The following TRIM24 variants were observed in gnomAD, a reference collection of about 807,000 sequenced individuals.
TRIM24 encodes tripartite motif containing 24, also known as transcription intermediary factor 1-alpha.
In TRIM24, 29 loss-of-function variants were observed where a neutral mutation model predicts 123.9. The ratio of observed to expected loss-of-function variants is 0.23; its 90% CI spans 0.17 to 0.32. TRIM24 has a LOEUF of 0.32. Ranked by LOEUF, TRIM24 falls within the 10% of genes least tolerant of loss-of-function variation. The pLI is 1.00. For missense variants in TRIM24, 932 were observed against 1,295.3 expected, an observed-to-expected ratio of 0.72 and a Z score of 4.31; for synonymous variants, 456 against 461.1, an observed-to-expected ratio of 0.99 and a Z score of 0.14.
Position 138,565,713 on chromosome 7 carries a change from A to G in TRIM24, c.1531-1768A>G, listed in dbSNP as rs1402217660. Among the ~76,000 whole-genome samples the G allele has an allele frequency of 2.0e-5, 3 of 152,234 alleles. No homozygotes were observed. The East Asian group carries it at 5.8e-4, about 29-fold the overall frequency. ...CATCCAAAGGCTAGGCCCTGAACAAAGACAGGGCTTGACTTTTATACACAC... is the reference window on the plus strand; with the variant it reads ...CATCCAAAGGCTAGGCCCTGAACAAGGACAGGGCTTGACTTTTATACACAC... On this transcript the variant is annotated intron_variant, in intron 9 of 18. Coordinates refer to ENST00000343526, the MANE Select transcript of TRIM24 (RefSeq NM_015905.3).
At position 138,588,188 on chromosome 7, in the gene TRIM24, G is replaced by A. The variant is rs1245835991; in HGVS notation, c.*3237G>A. On this transcript the variant is annotated 3_prime_UTR_variant, in exon 19 of 19. Transcript: ENST00000343526. ...ATGAAACTGCATTTCAATATGCTAT[G>A]CTGTTACTGTGCTTAGACACTTCCT... 1 of 152,206 alleles carries A rather than the reference G, an allele frequency of 6.6e-6. No homozygotes were observed. The highest frequency in any genetic ancestry group is 2.4e-5 in the African/African-American group (1 of 41,452). 9.4% of individuals were successfully genotyped at this position (152,206 alleles called of 1,614,324 possible).
chr7:138,549,701 G>C (rs1797171764), intron 7 of TRIM24, among the ~76,000 whole-genome samples: 1 of 152,174 alleles, frequency 6.6e-6, no homozygotes. Context: ...TGGGGTAGTT[G>C]ATGATGGGAG....
chr7:138,460,398 C>G lies in TRIM24; in HGVS notation c.-151C>G, dbSNP rs1794930366. ...GATCCCGTGGGCCTGAGGAGGCTTC[C>G]CCCGCCCGGTTTGCTTTCCCTCCCT... On this transcript the variant is annotated 5_prime_UTR_variant, in exon 1 of 19. Transcript: ENST00000343526. 2.4e-6 allele frequency: 2 copies of G among 834,730 alleles called. No homozygotes were observed. Among genetic ancestry groups the G allele is most frequent in the Non-Finnish European group, 3.2e-6 (2 of 623,850 alleles). 51.7% of individuals were successfully genotyped at this position (834,730 alleles called of 1,614,324 possible).
chr7:138,576,596 A>G (rs1397239922), intron 13 of TRIM24, 151 bp downstream of exon 13: 3 of 573,814 alleles, frequency 5.2e-6, no homozygotes, highest in Non-Finnish European at 8.7e-6. Flanking sequence ...ATTTTAATGA[A>G]TTAGTTAAGG....
intron 6 of TRIM24, among the ~76,000 whole-genome samples, chr7:138,532,303 T>G (rs1796765149): frequency 6.6e-6 from 1 of 152,166 alleles, no homozygotes; most frequent in Admixed American, 6.5e-5. Flanking sequence ...GCCTATTTCC[T>G]GAATGGTATT....
At position 138,564,678 on chromosome 7, in the gene TRIM24, C is replaced by T. The variant is rs115432941; in HGVS notation, c.1531-2803C>T. 6.9e-3 allele frequency among the ~76,000 whole-genome samples: 1,053 copies of T among 152,258 alleles called. 17 individuals carry two copies. Among genetic ancestry groups the T allele is most frequent in the African/African-American group, 0.023 (974 of 41,550 alleles). ...TGGTCTGGGTGCCCTGGCTGTCCTTCGACCCCAATCACCACCTTAAATACA... is the reference window on the plus strand; with the variant it reads ...TGGTCTGGGTGCCCTGGCTGTCCTTTGACCCCAATCACCACCTTAAATACA... On this transcript the variant is annotated intron_variant, in intron 9 of 18. Transcript: ENST00000343526.
At chr7:138,465,061 G>GT (rs1253523195) in intron 1 of TRIM24, among the ~76,000 whole-genome samples, 5 of 152,132 alleles carry the variant, frequency 3.3e-5, no homozygotes, top group Non-Finnish European at 5.9e-5. Context: ...TAAACATAAT[G>GT]TTTGAACTGT....
chr7:138,492,273 C>CAAA (rs34380067), intron 1 of TRIM24, among the ~76,000 whole-genome samples: 3,049 of 58,668 alleles, frequency 0.052, 96 homozygotes, highest in Non-Finnish European at 0.06. Flanking sequence ...ACTCTGTCTC[C>CAAA]AAAAAAAAAA....
At position 138,460,443 on chromosome 7, in the gene TRIM24, CCACCGA is replaced by C; in HGVS notation, c.-105_-100del. 1 of 1,164,836 alleles carries C rather than the reference CCACCGA, an allele frequency of 8.6e-7. No individual in the cohort carries two copies. The highest frequency in any genetic ancestry group is 1.1e-6 in the Non-Finnish European group (1 of 924,502). 72.2% of individuals were successfully genotyped at this position (1,164,836 alleles called of 1,614,324 possible). On this transcript the variant is annotated 5_prime_UTR_variant, in exon 1 of 19. Transcript: ENST00000343526. ...CTCCCTCGCTGGCGCTGCCGCGAGTCCACCGAGCGGCCTCTGAGGAGCAGCCGCAGG... is the reference window on the plus strand; with the variant it reads ...CTCCCTCGCTGGCGCTGCCGCGAGTCGCGGCCTCTGAGGAGCAGCCGCAGG...
At chr7:138,481,961 A>G (rs892781294) in intron 1 of TRIM24, among the ~76,000 whole-genome samples, 1 of 152,194 alleles carries the variant, frequency 6.6e-6, no homozygotes, top group African/African-American at 2.4e-5. Flanking sequence ...AAGCCCCATT[A>G]GCGGAAAATA....
rs564234667 is a variant in TRIM24, at chr7:138,461,939, C to T, written c.364+1027C>T. 3.5e-4 allele frequency among the ~76,000 whole-genome samples: 53 copies of T among 152,294 alleles called. No homozygotes were observed. In the South Asian group the frequency reaches 0.011, roughly 31 times the overall value. ...TTCAAATAGATTGTGGGCTGAGACT[C>T]ATTTATTTGACTGCATGTTAGGAGC... On this transcript the variant is annotated intron_variant, in intron 1 of 18. Transcript: ENST00000343526.
intron 9 of TRIM24, among the ~76,000 whole-genome samples, chr7:138,564,451 C>T (rs938824707): frequency 3.3e-5 from 5 of 152,312 alleles, no homozygotes; most frequent in Non-Finnish European, 2.9e-5. Context: ...TTTCTATCTC[C>T]TCTGGCAGTT....
chr7:138,497,633 G>T (rs554591551), intron 1 of TRIM24, among the ~76,000 whole-genome samples: 81 of 151,972 alleles, frequency 5.3e-4, no homozygotes, highest in African/African-American at 1.9e-3. Flanking sequence ...GACCTCAGGT[G>T]ATCCGTCCGC....
At chr7:138,507,197 T>C (rs1301528947) in intron 2 of TRIM24, among the ~76,000 whole-genome samples, 1 of 152,104 alleles carries the variant, frequency 6.6e-6, no homozygotes, top group African/African-American at 2.4e-5. Flanking sequence ...TTGTAGATAA[T>C]TTCAAGCATT....
Position 138,460,830 on chromosome 7 carries a change from C to T in TRIM24, c.282C>T (p.Pro94=). The T allele has an allele frequency of 1.9e-6, 3 of 1,576,652 alleles. No homozygotes were observed. The highest frequency in any genetic ancestry group is 1.7e-6 in the Non-Finnish European group (2 of 1,167,356). Residue 94 remains proline, a synonymous_variant, in exon 1 of 19, where the codon CCC becomes CCT. Coordinates refer to ENST00000343526, the MANE Select transcript of TRIM24 (RefSeq NM_015905.3). ...AGCGCTACCTCATGCTGCCCGCGCC[C>T]ATGCTGGGCTCGGCCGAGACCCCGC... ...APQRYLMLPA[P]MLGSAETPPP... is the part of the protein sequence containing the mutation.
intron 2 of TRIM24, among the ~76,000 whole-genome samples, chr7:138,508,700 C>CGCGCGCGCGCGCGT (rs1182276337): frequency 8.4e-5 from 3 of 35,510 alleles, no homozygotes; most frequent in African/African-American, 1.5e-4. Flanking sequence ...TGTGCGCGCG[C>CGCGCGCGCGCGCGT]GTGTGTGCGT....
intron 12 of TRIM24, among the ~76,000 whole-genome samples, chr7:138,575,479 G>A (rs1367242098): frequency 1.0e-5 from 1 of 95,296 alleles, no homozygotes; most frequent in Non-Finnish European, 2.2e-5. Flanking sequence ...TTTTTTTTTT[G>A]GTTAGAGACG....
chr7:138,507,250 G>A (rs78764320), intron 2 of TRIM24, among the ~76,000 whole-genome samples: 3,259 of 151,996 alleles, frequency 0.021, 96 homozygotes, highest in African/African-American at 0.072. Context: ...TGGACCCATC[G>A]CCTAGATCAA....
chr7:138,488,154 A>G (rs1281480057), intron 1 of TRIM24, among the ~76,000 whole-genome samples: 1 of 151,626 alleles, frequency 6.6e-6, no homozygotes, highest in African/African-American at 2.4e-5. Flanking sequence ...GTATTCTCTG[A>G]TGGTAGTTTG....
Sources: allele counts gnomAD v4.1 joint callset (sites outside exome capture counted in the v4.1 genomes callset), GRCh38; gene constraint gnomAD v4.1.1; transcripts MANE v1.5; gene names NCBI Gene and HGNC (gene_info 2026-07-23, HGNC 2026-07-21).